BSN: variants seen among roughly 807,000 people sequenced by gnomAD.
BSN encodes bassoon presynaptic cytomatrix protein.
BSN carries 57 observed loss-of-function variants against 264.8 expected under a neutral mutation model. The ratio of observed to expected loss-of-function variants is 0.22; its 90% confidence interval spans 0.17 to 0.27. The LOEUF is 0.27. Among genes scored for constraint, BSN ranks in the 10% least tolerant of loss-of-function variants. BSN has a pLI of 1.00. For missense variants in BSN, 4,615 were observed against 5,232.5 expected (o/e 0.88, Z 3.64); for synonymous variants, 2,059 against 2,137.3 (o/e 0.96, Z 1.01).
At chr3:49,563,881 T>A (rs1306244169) in intron 1 of BSN, among the ~76,000 whole-genome samples, 1 of 152,202 alleles carries the variant, frequency 6.6e-6, no homozygotes, top group Admixed American at 6.5e-5. Flanking sequence ...TTTTCCTGTT[T>A]GTCTGAATCA....
chr3:49,555,121 G>A (rs2051655184), intron 1 of BSN, among the ~76,000 whole-genome samples: 1 of 152,184 alleles, frequency 6.6e-6, no homozygotes, highest in Non-Finnish European at 1.5e-5. Context: ...GCTCAGGAGG[G>A]GCTTATGTAA....
chr3:49,666,642 C>T (rs1049873112), intron 11 of BSN, among the ~76,000 whole-genome samples: 3 of 152,148 alleles, frequency 2.0e-5, no homozygotes, highest in Admixed American at 2.0e-4. Flanking sequence ...GGGAGGAGGA[C>T]GACTGCGGTG....
At chr3:49,598,743 T>C (rs1559601314) in intron 1 of BSN, among the ~76,000 whole-genome samples, 1 of 152,162 alleles carries the variant, frequency 6.6e-6, no homozygotes, top group Admixed American at 6.5e-5. Flanking sequence ...ACTGAATGCT[T>C]TCCCCATAAA....
At chr3:49,640,480 A>G (rs1324589355) in intron 2 of BSN, 1 of 152,056 alleles carries the variant, frequency 6.6e-6, no homozygotes, top group Non-Finnish European at 1.5e-5. Context: ...GAGTACCCGG[A>G]GGGTGTTTTA....
chr3:49,595,559 A>T (rs1428152513), intron 1 of BSN, among the ~76,000 whole-genome samples: 1 of 151,158 alleles, frequency 6.6e-6, no homozygotes, highest in Non-Finnish European at 1.5e-5. Flanking sequence ...TGGCATAATC[A>T]TAGCTCACCG....
intron 2 of BSN, among the ~76,000 whole-genome samples, chr3:49,640,101 G>T (rs1249136987): frequency 6.6e-6 from 1 of 152,250 alleles, no homozygotes; most frequent in East Asian, 1.9e-4. Context: ...CCTTCCCCTG[G>T]TGATGACTGG....
At chr3:49,560,232 G>T (rs1377134858) in intron 1 of BSN, among the ~76,000 whole-genome samples, 1 of 152,136 alleles carries the variant, frequency 6.6e-6, no homozygotes, top group African/African-American at 2.4e-5. Flanking sequence ...TGTTAGTTGT[G>T]GGGGTGTGGA....
At chr3:49,596,695 G>C (rs953353267) in intron 1 of BSN, among the ~76,000 whole-genome samples, 1 of 152,050 alleles carries the variant, frequency 6.6e-6, no homozygotes, top group African/African-American at 2.4e-5. Context: ...ATTTTGCCCA[G>C]GATGGAGTGT....
chr3:49,589,626 C>A (rs2108022890), intron 1 of BSN, among the ~76,000 whole-genome samples: 1 of 150,472 alleles, frequency 6.6e-6, no homozygotes, highest in African/African-American at 2.4e-5. Flanking sequence ...CCTGCCTCAG[C>A]CTCCCAAGTA....
At chr3:49,602,560 C>T (rs1218049538) in intron 1 of BSN, among the ~76,000 whole-genome samples, 1 of 151,900 alleles carries the variant, frequency 6.6e-6, no homozygotes, top group Non-Finnish European at 1.5e-5. Context: ...ATTCTCTTGC[C>T]TCAGCCTCAT....
rs2108095018 is a variant in BSN at position 49,661,392 on chromosome 3, C to A, written c.9547C>A (p.Pro3183Thr). 1 of 1,613,988 alleles carries A rather than the reference C, an allele frequency of 6.2e-7. No homozygotes were observed. The highest frequency in any genetic ancestry group is 8.5e-7 in the Non-Finnish European group (1 of 1,180,044). Residue 3183 changes from proline to threonine, a missense_variant, in exon 6 of 12, where the codon CCA (proline) becomes ACA (threonine). Pro to Thr is a conservative substitution (Grantham distance 38). Coordinates refer to ENST00000296452, the MANE Select transcript of BSN (RefSeq NM_003458.4). The stretch of plus-strand genomic sequence containing the variant: ...CCCATCTGAAACCAGCTACAGTGGC[C>A]CAGCAGTGAGCAGCGGCTATGAGCA... ...SAPSETSYSG[P>T]AVSSGYEQGK... is the part of the protein sequence containing the mutation.
intron 1 of BSN, among the ~76,000 whole-genome samples, chr3:49,582,902 CAT>C (rs1280979074): frequency 1.3e-5 from 2 of 151,924 alleles, no homozygotes; most frequent in African/African-American, 2.4e-5. Flanking sequence ...TTGAGGTAAA[CAT>C]ATAGTTTCTT....
chr3:49,629,338 C>T (rs550751201), intron 2 of BSN, among the ~76,000 whole-genome samples: 5 of 152,192 alleles, frequency 3.3e-5, no homozygotes, highest in African/African-American at 7.2e-5. Flanking sequence ...AAGGGTGGCC[C>T]GTGTTGCCCT....
chr3:49,581,564 G>A (rs1057268238), intron 1 of BSN, among the ~76,000 whole-genome samples: 2 of 152,174 alleles, frequency 1.3e-5, no homozygotes, highest in African/African-American at 2.4e-5. Context: ...GGTGGCTTAC[G>A]CCTGTAATCC....
Position 49,657,267 on chromosome 3 carries a change from G to A in BSN, c.7711G>A (p.Gly2571Arg), listed in dbSNP as rs1559617420. ...GCGGGATGCCTGTGAGCTAGAGTCT[G>A]GGACTGAGCCCTGTGTGGTCAGGAG... Reference protein sequence around the residue: ...RLRDACELESGTEPCVVRRIA... With the variant: ...RLRDACELESRTEPCVVRRIA... Residue 2571 changes from glycine to arginine, a missense_variant, in exon 5 of 12, where the codon GGG becomes AGG. Transcript: ENST00000296452. 3.1e-6 allele frequency: 5 copies of A among 1,613,372 alleles called. No individual in the cohort carries two copies. Among genetic ancestry groups the A allele is most frequent in the Non-Finnish European group, 2.5e-6 (3 of 1,180,006 alleles).
rs1020548102 is a variant in BSN, at chr3:49,642,623, C to T, written c.989C>T (p.Thr330Ile). 2 of 1,602,326 alleles carry T rather than the reference C, an allele frequency of 1.2e-6. No individual in the cohort carries two copies. Among genetic ancestry groups the T allele is most frequent in the African/African-American group, 1.3e-5 (1 of 74,816 alleles). The change falls in exon 3 of 12, where the codon ACC (threonine) becomes ATC (isoleucine). Residue 330 changes from threonine to isoleucine, a missense_variant. By Grantham distance (89) the Thr-to-Ile change is moderately conservative (BLOSUM62 -1). Coordinates refer to ENST00000296452, the MANE Select transcript of BSN (RefSeq NM_003458.4). This position sits in a 1 kb window ranked among gnomAD's most constrained non-coding sequence, Gnocchi z 7.0. ...PAGEAPAKSA[T>I]AVPAGLGATE... is the part of the protein sequence containing the mutation. ...GGAGAGGCCCCGGCCAAAAGTGCCA[C>T]CGCAGTGCCCGCTGGGCTTGGTGCC...
At chr3:49,558,364 C>T (rs1218072397) in intron 1 of BSN, among the ~76,000 whole-genome samples, 1 of 152,206 alleles carries the variant, frequency 6.6e-6, no homozygotes, top group African/African-American at 2.4e-5. Context: ...GTAATCAATG[C>T]CAAAGTCGCC....
chr3:49,607,747 T>C (rs1389222395), intron 1 of BSN, among the ~76,000 whole-genome samples: 1 of 152,194 alleles, frequency 6.6e-6, no homozygotes, highest in African/African-American at 2.4e-5. Context: ...GGTAGGAACA[T>C]GGGCATCCCT....
intron 1 of BSN, among the ~76,000 whole-genome samples, chr3:49,584,330 CTT>C (rs1300840174): frequency 2.7e-5 from 4 of 147,432 alleles, no homozygotes; most frequent in Non-Finnish European, 6.0e-5. Flanking sequence ...GTTTTATTGT[CTT>C]TCTCTATTTT....
Sources: allele counts gnomAD v4.1 joint callset (sites outside exome capture counted in the v4.1 genomes callset), GRCh38; gene constraint gnomAD v4.1.1; non-coding constraint Gnocchi (gnomAD v3.1); transcripts MANE v1.5; gene names NCBI Gene and HGNC (gene_info 2026-07-23, HGNC 2026-07-21).